CNTNAP5: variants seen among roughly 807,000 people sequenced by gnomAD.
CNTNAP5 encodes the protein contactin-associated protein-like 5.
In CNTNAP5, 72 loss-of-function variants were observed where a neutral mutation model predicts 150.2. That is an observed-to-expected ratio of 0.48 (90% CI 0.40 to 0.58). The LOEUF (loss-of-function observed/expected upper bound fraction) is 0.58, where lower values mean the gene tolerates loss of function less well. Among genes scored for constraint, CNTNAP5 ranks in the 20% least tolerant of loss-of-function variants. The pLI, the probability that CNTNAP5 is intolerant of heterozygous loss-of-function variation, is 0.00. For synonymous variants in CNTNAP5, 672 were observed against 619.8 expected (o/e 1.08, Z -1.25); for missense variants, 1,636 against 1,626.2 (o/e 1.01, Z -0.10).
chr2:124,546,419 G>A (rs578109233), intron 10 of CNTNAP5, among the ~76,000 whole-genome samples: 61 of 152,176 alleles, frequency 4.0e-4, no homozygotes, highest in African/African-American at 1.3e-3. Flanking sequence ...AACTGTGCAA[G>A]GGGGGAAGTC....
intron 11 of CNTNAP5, among the ~76,000 whole-genome samples, chr2:124,590,957 T>A (rs766642016): frequency 6.6e-6 from 1 of 152,182 alleles, no homozygotes; most frequent in African/African-American, 2.4e-5. Flanking sequence ...CCTTAGGCAA[T>A]AAATTAGCTG....
At chr2:124,526,512 G>A (rs887355512) in intron 9 of CNTNAP5, among the ~76,000 whole-genome samples, 4 of 152,130 alleles carry the variant, frequency 2.6e-5, no homozygotes, top group Non-Finnish European at 5.9e-5. Context: ...TAAAGCCATT[G>A]GGATGGAGTT....
intron 13 of CNTNAP5, among the ~76,000 whole-genome samples, chr2:124,678,007 T>C (rs1242207729): frequency 6.6e-6 from 1 of 152,038 alleles, no homozygotes; most frequent in Admixed American, 6.6e-5. Context: ...TGTTGGGCGT[T>C]TCTTTAAGTT....
intron 3 of CNTNAP5, among the ~76,000 whole-genome samples, chr2:124,398,101 C>A (rs1199138336): frequency 2.6e-5 from 4 of 152,208 alleles, no homozygotes; most frequent in African/African-American, 9.6e-5. Flanking sequence ...TTTCTGGGAA[C>A]AACCATATAT....
chr2:124,385,025 T>C (rs1257776472), intron 3 of CNTNAP5, among the ~76,000 whole-genome samples: 1 of 152,168 alleles, frequency 6.6e-6, no homozygotes, highest in Non-Finnish European at 1.5e-5. Context: ...AGCAGGCACT[T>C]AGCAAGTGAT....
chr2:124,068,638 T>G (rs1341641107), intron 1 of CNTNAP5, among the ~76,000 whole-genome samples: 1 of 151,348 alleles, frequency 6.6e-6, no homozygotes, highest in Non-Finnish European at 1.5e-5. Flanking sequence ...GCTAAGAGAG[T>G]GCTTGCACCA....
chr2:124,125,129 A>G (rs1471693877), intron 1 of CNTNAP5, among the ~76,000 whole-genome samples: 2 of 152,228 alleles, frequency 1.3e-5, no homozygotes, highest in Admixed American at 1.3e-4. Flanking sequence ...AAATGGATAA[A>G]GAGTCAAGAC....
chr2:124,586,118 T>C (rs1228407430), intron 11 of CNTNAP5, among the ~76,000 whole-genome samples: 1 of 152,162 alleles, frequency 6.6e-6, no homozygotes, highest in Non-Finnish European at 1.5e-5. Context: ...TACTATTTAA[T>C]ACCTGGAGAA....
intron 22 of CNTNAP5, among the ~76,000 whole-genome samples, chr2:124,906,641 G>A (rs1678543517): frequency 6.6e-6 from 1 of 152,092 alleles, no homozygotes; most frequent in African/African-American, 2.4e-5. Context: ...TATATGGCAG[G>A]ACTCTTAGCC....
chr2:124,213,074 G>A (rs903465330), intron 1 of CNTNAP5, among the ~76,000 whole-genome samples: 2 of 151,926 alleles, frequency 1.3e-5, no homozygotes, highest in Non-Finnish European at 2.9e-5. Context: ...TCCCAACCTC[G>A]TGATCCGCCT....
chr2:124,580,902 A>G (rs189768025), intron 11 of CNTNAP5, among the ~76,000 whole-genome samples: 5 of 152,336 alleles, frequency 3.3e-5, no homozygotes, highest in African/African-American at 1.2e-4. Context: ...GGGAATCTTT[A>G]TACAGGGAGT....
At chr2:124,662,383 A>G (rs1678610793) in intron 13 of CNTNAP5, among the ~76,000 whole-genome samples, 1 of 152,212 alleles carries the variant, frequency 6.6e-6, no homozygotes, top group African/African-American at 2.4e-5. Flanking sequence ...TTCTGGTTCT[A>G]GATCCTTGAG....
intron 3 of CNTNAP5, among the ~76,000 whole-genome samples, chr2:124,289,286 G>C (rs918082149): frequency 6.6e-6 from 1 of 152,158 alleles, no homozygotes; most frequent in Non-Finnish European, 1.5e-5. Flanking sequence ...CTCTAATAAA[G>C]ATTGTTTTTA....
intron 21 of CNTNAP5, among the ~76,000 whole-genome samples, chr2:124,892,121 T>C (rs1030680113): frequency 6.6e-6 from 1 of 152,144 alleles, no homozygotes; most frequent in Admixed American, 6.6e-5. Context: ...ATATCAGACT[T>C]CTCATTAACC....
chr2:124,561,148 AGG>A (rs1695882511), intron 10 of CNTNAP5, among the ~76,000 whole-genome samples: 2 of 151,338 alleles, frequency 1.3e-5, no homozygotes, highest in Non-Finnish European at 3.0e-5. Context: ...GGGCAAAAGG[AGG>A]TGTGGAAAGG....
intron 7 of CNTNAP5, among the ~76,000 whole-genome samples, chr2:124,494,749 G>A (rs542921040): frequency 3.3e-4 from 51 of 152,250 alleles, no homozygotes; most frequent in African/African-American, 9.6e-4. Flanking sequence ...TAGTCATTGG[G>A]TTTCAAACCT....
chr2:124,403,974 C>T (rs1391048494), intron 3 of CNTNAP5, among the ~76,000 whole-genome samples: 1 of 152,180 alleles, frequency 6.6e-6, no homozygotes, highest in East Asian at 1.9e-4. Flanking sequence ...AAAAAACCCA[C>T]CCCCGTGATT....
At chr2:124,521,026 T>A (rs941738073) in intron 8 of CNTNAP5, among the ~76,000 whole-genome samples, 1 of 152,186 alleles carries the variant, frequency 6.6e-6, no homozygotes. Context: ...GATGTACCAC[T>A]TCACTTGCCT....
chr2:124,672,327 G>C (rs2105058756), intron 13 of CNTNAP5, among the ~76,000 whole-genome samples: 1 of 152,068 alleles, frequency 6.6e-6, no homozygotes, highest in South Asian at 2.1e-4. Flanking sequence ...TGAGGCATTG[G>C]GTATTAGAAA....
Sources: allele counts gnomAD v4.1 joint callset (sites outside exome capture counted in the v4.1 genomes callset), GRCh38; gene constraint gnomAD v4.1.1; transcripts MANE v1.5; gene names NCBI Gene and HGNC (gene_info 2026-07-23, HGNC 2026-07-21).